Variants in TCF12 observed in about 807,000 individuals in gnomAD.
TCF12 encodes transcription factor 12.
In TCF12, 45 loss-of-function variants were observed where a neutral mutation model predicts 86.0. The observed-to-expected ratio is 0.52, with a 90% CI of 0.41 to 0.67. TCF12 has a LOEUF of 0.67. TCF12 is among the 30% of genes least tolerant of loss of function. The pLI, the probability that TCF12 is intolerant of heterozygous loss-of-function variation, is 0.00. For missense variants in TCF12, 881 were observed against 859.9 expected, an observed-to-expected ratio of 1.02 and a Z score of -0.31; for synonymous variants, 330 against 299.6, an observed-to-expected ratio of 1.10 and a Z score of -1.05.
At chr15:56,985,152 C>T (rs911997749) in intron 3 of TCF12, among the ~76,000 whole-genome samples, 2 of 152,140 alleles carry the variant, frequency 1.3e-5, no homozygotes, top group African/African-American at 2.4e-5. Flanking sequence ...ACTTTTATTT[C>T]CTTCCAGTGC....
chr15:57,209,479 T>G (rs2058012847), intron 8 of TCF12, among the ~76,000 whole-genome samples: 1 of 152,198 alleles, frequency 6.6e-6, no homozygotes, highest in African/African-American at 2.4e-5. Context: ...CTAAAGGAAA[T>G]AAGTTACGGT....
rs548065430 is a variant in TCF12, at chr15:57,156,672, G to T, written c.326-9730G>T. On this transcript the variant is annotated intron_variant, in intron 5 of 20. Coordinates refer to ENST00000333725, the MANE Select transcript of TCF12 (RefSeq NM_207037.2). ...TTGGAGTAGAATCTGTCCCTGGCAC[G>T]CAAACAACACAAGTCTGGAATTCCA... is the stretch of plus-strand genomic sequence containing the variant. Among the ~76,000 whole-genome samples the T allele has an allele frequency of 6.6e-5, 10 of 152,284 alleles. No individual in the cohort carries two copies. In the East Asian group the frequency reaches 1.9e-3, roughly 29 times the overall value.
At chr15:56,928,086 T>C (rs189363499) in intron 3 of TCF12, among the ~76,000 whole-genome samples, 16 of 152,266 alleles carry the variant, frequency 1.1e-4, no homozygotes, top group Admixed American at 9.8e-4. Flanking sequence ...TTGGAAAGAA[T>C]TGGGCTCAGG....
At chr15:57,198,491 C>T (rs552070684) in intron 8 of TCF12, among the ~76,000 whole-genome samples, 1 of 152,264 alleles carries the variant, frequency 6.6e-6, no homozygotes, top group East Asian at 1.9e-4. Flanking sequence ...GTGGAACAAT[C>T]ATTAATGGCC....
intron 5 of TCF12, among the ~76,000 whole-genome samples, chr15:57,134,144 G>C (rs2052354282): frequency 6.6e-6 from 1 of 152,102 alleles, no homozygotes; most frequent in African/African-American, 2.4e-5. Context: ...ATATTGGGCG[G>C]TCTTGTTTGA....
intron 5 of TCF12, among the ~76,000 whole-genome samples, chr15:57,099,819 A>G (rs377211749): frequency 2.2e-4 from 34 of 151,906 alleles, no homozygotes; most frequent in East Asian, 1.3e-3. Flanking sequence ...GATCAAAGCA[A>G]TCAACTGTGG....
chr15:57,197,873 A>T, intron 8 of TCF12, 48 bp downstream of exon 8: 2 of 1,586,504 alleles, frequency 1.3e-6, no homozygotes, highest in Non-Finnish European at 1.7e-6. Flanking sequence ...ACTGATTTCA[A>T]GTGTTCCGTA....
intron 10 of TCF12, 60 bp from the exon 11 acceptor site, chr15:57,232,652 C>G (rs1359072229): frequency 1.3e-6 from 2 of 1,540,336 alleles, no homozygotes; most frequent in African/African-American, 2.8e-5. Context: ...CATAGTTGTC[C>G]ATTTTATGTG....
intron 5 of TCF12, chr15:57,134,382 T>C (rs2052369056): frequency 6.6e-6 from 1 of 152,222 alleles, no homozygotes; most frequent in Non-Finnish European, 1.5e-5. Context: ...AAATTGATGC[T>C]GAGTTCAGTA....
chr15:56,949,285 A>C (rs2061156528), intron 3 of TCF12, among the ~76,000 whole-genome samples: 2 of 152,202 alleles, frequency 1.3e-5, no homozygotes, highest in Admixed American at 1.3e-4. Context: ...CCCAGTAATT[A>C]AAAAAAGTTA....
chr15:57,263,233 C>G lies in TCF12; in HGVS notation c.1704C>G (p.Ser568=), dbSNP rs151235578. The change falls in exon 18 of 21, where the codon TCC becomes TCG. Residue 568 remains serine (S), a synonymous_variant. Coordinates refer to ENST00000333725, the MANE Select transcript of TCF12 (RefSeq NM_207037.2). Reference sequence around the variant, plus strand: ...ATGACATGAAGTCAGATGATGAATCCTCCCAAAAAGATATCAAGGTTTCAT... The same window carrying G: ...ATGACATGAAGTCAGATGATGAATCGTCCCAAAAAGATATCAAGGTTTCAT... ...SSDDMKSDDE[S]SQKDIKVSSR... is the part of the protein sequence containing the mutation. 3.1e-6 allele frequency: 5 copies of G among 1,611,780 alleles called. No homozygotes were observed. In the African/African-American group the frequency reaches 5.3e-5, roughly 17 times the overall value.
At chr15:56,952,189 TACAC>T (rs58480587) in intron 3 of TCF12, among the ~76,000 whole-genome samples, 7 of 150,396 alleles carry the variant, frequency 4.7e-5, no homozygotes, top group East Asian at 3.9e-4. Flanking sequence ...TTTGTGTATA[TACAC>T]ACACACACAC....
intron 4 of TCF12, among the ~76,000 whole-genome samples, chr15:57,070,139 A>G (rs1412170817): frequency 6.6e-6 from 1 of 152,178 alleles, no homozygotes; most frequent in Non-Finnish European, 1.5e-5. Context: ...ATTTAGCTTT[A>G]AAATACTTGA....
At chr15:57,088,679 G>A (rs1157953276) in intron 4 of TCF12, among the ~76,000 whole-genome samples, 5 of 152,056 alleles carry the variant, frequency 3.3e-5, no homozygotes, top group African/African-American at 1.2e-4. Context: ...TACTAGTAGT[G>A]TAGTTGATAA....
In TCF12 at chr15:57,000,347, TG is replaced by T. The variant is rs573780439; in HGVS notation, c.149-63402del. ...GAGCCACTGCACCTGGCCAGAAGTC[TG>T]TTTTTTTTTTTTTTAAACATATAAA... On this transcript the variant is annotated intron_variant, in intron 3 of 20. Transcript: ENST00000333725. 2.8e-3 allele frequency among the ~76,000 whole-genome samples: 62 copies of T among 22,000 alleles called. 1 individual carries two copies. Among genetic ancestry groups the T allele is most frequent in the African/African-American group, 4.8e-3 (60 of 12,388 alleles). 14.4% of individuals were successfully genotyped at this position (22,000 alleles called of 152,430 possible).
intron 8 of TCF12, among the ~76,000 whole-genome samples, chr15:57,215,379 C>T (rs2058290281): frequency 6.6e-6 from 1 of 152,130 alleles, no homozygotes; most frequent in African/African-American, 2.4e-5. Flanking sequence ...ATCCTCACCC[C>T]TACCTCCCTT....
intron 7 of TCF12, among the ~76,000 whole-genome samples, chr15:57,194,026 A>C (rs897023688): frequency 6.6e-6 from 1 of 152,232 alleles, no homozygotes; most frequent in Non-Finnish European, 1.5e-5. Context: ...GTTACTCTAG[A>C]AAAATAACTT....
chr15:56,990,253 G>T (rs72749478), intron 3 of TCF12, among the ~76,000 whole-genome samples: 2 of 139,512 alleles, frequency 1.4e-5, no homozygotes, highest in African/African-American at 6.1e-5. Context: ...GTGTGTGCGT[G>T]TGCGTGTGTG....
chr15:57,282,143 C>T, intron 19 of TCF12: 1 of 390,854 alleles, frequency 2.6e-6, no homozygotes, highest in East Asian at 6.1e-5. Context: ...GACTTGGTAG[C>T]CTAATAACAA....
Sources: allele counts gnomAD v4.1 joint callset (sites outside exome capture counted in the v4.1 genomes callset), GRCh38; gene constraint gnomAD v4.1.1; transcripts MANE v1.5; gene names NCBI Gene and HGNC (gene_info 2026-07-23, HGNC 2026-07-21).